Variants in MAGI1 observed in about 807,000 individuals in gnomAD.
MAGI1 encodes the protein membrane-associated guanylate kinase, WW and PDZ domain-containing protein 1.
In MAGI1, 58 loss-of-function variants were observed where a neutral mutation model predicts 139.9. The ratio of observed to expected loss-of-function variants is 0.41; its 90% CI spans 0.34 to 0.52. The LOEUF (loss-of-function observed/expected upper bound fraction) is 0.52, where lower values mean the gene tolerates loss of function less well. MAGI1 is among the 20% of genes least tolerant of loss of function. The pLI, the probability that MAGI1 is intolerant of heterozygous loss-of-function variation, is 0.12. For synonymous variants in MAGI1, 812 were observed against 737.9 expected (o/e 1.10, Z -1.63); for missense variants, 1,874 against 1,901.6 (o/e 0.99, Z 0.27).
At chr3:65,688,525 C>T (rs551158424) in intron 1 of MAGI1, 18 of 428,306 alleles carry the variant, frequency 4.2e-5, no homozygotes, top group Non-Finnish European at 6.9e-5. Context: ...AAGGTAGGTG[C>T]TACTGGTAGG....
chr3:65,488,871 C>T (rs1480179654), intron 3 of MAGI1, among the ~76,000 whole-genome samples: 1 of 151,020 alleles, frequency 6.6e-6, no homozygotes, highest in Non-Finnish European at 1.5e-5. Context: ...TGGGGTTTTG[C>T]CATGTTGCCC....
chr3:65,476,830 G>C (rs1174046043), intron 4 of MAGI1, among the ~76,000 whole-genome samples: 1 of 152,076 alleles, frequency 6.6e-6, no homozygotes, highest in East Asian at 1.9e-4. Flanking sequence ...TTTCATTTTG[G>C]TAAGGGCCAC....
At chr3:65,504,929 A>C (rs545627767) in intron 2 of MAGI1, among the ~76,000 whole-genome samples, 1 of 152,318 alleles carries the variant, frequency 6.6e-6, no homozygotes, top group East Asian at 1.9e-4. Context: ...GAGAGTTCTC[A>C]GGTTGTAACT....
chr3:65,414,536 G>A (rs1476400225), intron 12 of MAGI1, among the ~76,000 whole-genome samples: 3 of 152,098 alleles, frequency 2.0e-5, no homozygotes, highest in Admixed American at 1.3e-4. Context: ...ACATTACTTC[G>A]GCAGCTCTGC....
chr3:65,712,624 G>A (rs1478580885), intron 1 of MAGI1, among the ~76,000 whole-genome samples: 1 of 151,998 alleles, frequency 6.6e-6, no homozygotes, highest in East Asian at 1.9e-4. Flanking sequence ...CAAGTCTCAT[G>A]CCTCAGTCTC....
At chr3:65,436,484 A>G (rs185812444) in intron 10 of MAGI1, among the ~76,000 whole-genome samples, 1 of 152,278 alleles carries the variant, frequency 6.6e-6, no homozygotes, top group African/African-American at 2.4e-5. Flanking sequence ...GTGAATGTAA[A>G]CAAACAAGAC....
At chr3:65,435,241 G>T (rs895150788) in intron 10 of MAGI1, among the ~76,000 whole-genome samples, 2 of 149,978 alleles carry the variant, frequency 1.3e-5, no homozygotes, top group African/African-American at 5.0e-5. Context: ...AGAAGGAAGA[G>T]ATATAAGGAA....
intron 1 of MAGI1, among the ~76,000 whole-genome samples, chr3:65,772,083 C>A (rs1397393148): frequency 6.6e-6 from 1 of 152,036 alleles, no homozygotes; most frequent in East Asian, 1.9e-4. Flanking sequence ...TGCCTGTAAT[C>A]CCAGGGAGAG....
At chr3:65,795,941 C>T (rs931539237) in intron 1 of MAGI1, among the ~76,000 whole-genome samples, 9 of 150,936 alleles carry the variant, frequency 6.0e-5, no homozygotes, top group Admixed American at 1.3e-4. Context: ...ATCCCAGCTA[C>T]TTAGGAGGCT....
At chr3:65,795,016 C>T (rs1043873532) in intron 1 of MAGI1, among the ~76,000 whole-genome samples, 4 of 152,108 alleles carry the variant, frequency 2.6e-5, no homozygotes, top group African/African-American at 9.7e-5. Context: ...CACCACGTAC[C>T]TATCAAAACA....
rs1940182844 is a variant in MAGI1 at position 65,356,141 on chromosome 3, A to G, written c.*237T>C. ...TATCCCTTTGGGCCAGCATTTGGCA[A>G]ATAATTTCCAAAAAAGTATGCATTT... On this transcript the variant is annotated 3_prime_UTR_variant, in exon 23 of 23. Coordinates refer to ENST00000402939, the MANE Select transcript of MAGI1 (RefSeq NM_001033057.2). 2.7e-6 allele frequency: 1 copy of G among 376,022 alleles called. No homozygotes were observed. Among genetic ancestry groups the G allele is most frequent in the African/African-American group, 2.1e-5 (1 of 47,776 alleles). The allele number at this position is 376,022 out of a possible 1,614,324, so 23.3% of individuals were successfully genotyped here.
chr3:65,993,348 T>C (rs935209804), intron 1 of MAGI1, among the ~76,000 whole-genome samples: 9 of 152,210 alleles, frequency 5.9e-5, no homozygotes, highest in African/African-American at 1.7e-4. Flanking sequence ...GGTGTGGACC[T>C]ATGTTGACAG....
intron 1 of MAGI1, among the ~76,000 whole-genome samples, chr3:65,740,038 A>G (rs1488981331): frequency 1.3e-5 from 2 of 152,164 alleles, no homozygotes; most frequent in Non-Finnish European, 2.9e-5. Flanking sequence ...CAATAGAGGG[A>G]CACAATCAAA....
At chr3:65,375,055 C>T (rs1942367190) in intron 18 of MAGI1, among the ~76,000 whole-genome samples, 1 of 152,154 alleles carries the variant, frequency 6.6e-6, no homozygotes, top group Non-Finnish European at 1.5e-5. Context: ...TTTCTCATGT[C>T]ACCATATAAT....
chr3:65,703,928 G>T (rs1576808565), intron 1 of MAGI1, among the ~76,000 whole-genome samples: 1 of 152,294 alleles, frequency 6.6e-6, no homozygotes, highest in East Asian at 1.9e-4. Flanking sequence ...ACATGCATGG[G>T]CTTAAAGTTG....
intron 1 of MAGI1, among the ~76,000 whole-genome samples, chr3:65,796,096 T>C (rs2040128579): frequency 6.6e-6 from 1 of 150,810 alleles, no homozygotes; most frequent in African/African-American, 2.4e-5. Flanking sequence ...GAAATTGGCT[T>C]CACAGGACTG....
intron 4 of MAGI1, 124 bp from the exon 5 acceptor site, chr3:65,470,608 T>C (rs72896359): frequency 0.014 from 8,294 of 579,184 alleles, 506 homozygotes; most frequent in African/African-American, 0.13. Context: ...AATGCTCTTA[T>C]CCTTTCCTAA....
intron 1 of MAGI1, among the ~76,000 whole-genome samples, chr3:65,830,915 T>C (rs143944686): frequency 3.9e-5 from 6 of 152,144 alleles, no homozygotes; most frequent in Admixed American, 6.5e-5. Context: ...GAGGGTGACA[T>C]TGGGTGGTTT....
At chr3:65,364,356 G>A (rs1391417645) in intron 20 of MAGI1, among the ~76,000 whole-genome samples, 2 of 151,862 alleles carry the variant, frequency 1.3e-5, no homozygotes, top group Non-Finnish European at 2.9e-5. Flanking sequence ...CATTTTCTTG[G>A]CAGAAGCATG....
Sources: allele counts gnomAD v4.1 joint callset (sites outside exome capture counted in the v4.1 genomes callset), GRCh38; gene constraint gnomAD v4.1.1; transcripts MANE v1.5; gene names NCBI Gene and HGNC (gene_info 2026-07-23, HGNC 2026-07-21).